The following RAD51 variants were observed in gnomAD, a reference collection of about 807,000 sequenced individuals.
The protein encoded by RAD51 is DNA repair protein RAD51 homolog 1.
Under a neutral mutation model 41.5 loss-of-function variants are expected in RAD51, and 14 were observed. The ratio of observed to expected loss-of-function variants is 0.34; its 90% CI spans 0.22 to 0.53. The LOEUF is 0.53. Ranked by LOEUF, RAD51 falls within the 20% of genes least tolerant of loss-of-function variation. The pLI, the probability that RAD51 is intolerant of heterozygous loss-of-function variation, is 0.95. For synonymous variants in RAD51, 136 were observed against 148.6 expected (o/e 0.92, Z 0.62); for missense variants, 234 against 422.0 (o/e 0.55, Z 3.90).
At chr15:40,719,098 C>G (rs373654495) in intron 6 of RAD51, among the ~76,000 whole-genome samples, 199 bp downstream of exon 6, 27 of 151,132 alleles carry the variant, frequency 1.8e-4, no homozygotes, top group African/African-American at 6.6e-4. Flanking sequence ...GCTCTTGTCA[C>G]CCAGGCTAGA....
intron 2 of RAD51, among the ~76,000 whole-genome samples, chr15:40,700,473 G>T (rs1329697425): frequency 6.6e-6 from 1 of 152,116 alleles, no homozygotes; most frequent in East Asian, 1.9e-4. Flanking sequence ...ATGTGTGCTT[G>T]ATGTGGAAAG....
intron 6 of RAD51, among the ~76,000 whole-genome samples, chr15:40,728,140 G>A (rs773147204): frequency 1.3e-5 from 2 of 152,228 alleles, no homozygotes; most frequent in Admixed American, 6.5e-5. Flanking sequence ...GATTACAGGC[G>A]TGAGCCACCG....
intron 1 of RAD51, among the ~76,000 whole-genome samples, chr15:40,696,882 G>T (rs1007949951): frequency 1.3e-5 from 2 of 151,898 alleles, no homozygotes; most frequent in African/African-American, 2.4e-5. Context: ...ATATGTTTTT[G>T]CCCATTTTGA....
In RAD51 at chr15:40,700,934, C is replaced by T. The variant is rs1020672426; in HGVS notation, c.88-130C>T. On this transcript the variant is annotated intron_variant, in intron 2 of 9. Coordinates refer to ENST00000267868, the MANE Select transcript of RAD51 (RefSeq NM_002875.5). ...CCAACTTCCCATCTCCCCCCGCCCCCCCAAGGATTTCAAGGGACAGTTGTA... is the reference window on the plus strand; with the variant it reads ...CCAACTTCCCATCTCCCCCCGCCCCTCCAAGGATTTCAAGGGACAGTTGTA... The T allele has an allele frequency of 4.7e-6, 4 of 850,718 alleles. No homozygotes were observed. In the African/African-American group the frequency reaches 5.3e-5, roughly 11 times the overall value. 52.7% of individuals were successfully genotyped at this position (850,718 alleles called of 1,614,324 possible).
intron 7 of RAD51, among the ~76,000 whole-genome samples, chr15:40,729,262 A>C (rs1388380594): frequency 1.3e-5 from 2 of 149,472 alleles, no homozygotes; most frequent in Admixed American, 6.8e-5. Flanking sequence ...AGTCCCAGCT[A>C]CTCCGGAGGC....
intron 2 of RAD51, 75 bp downstream of exon 2, chr15:40,698,920 A>G: frequency 2.1e-6 from 3 of 1,430,360 alleles, no homozygotes; most frequent in Non-Finnish European, 3.0e-6. Flanking sequence ...CAACCTTTAC[A>G]TAAAATATAG....
intron 4 of RAD51, 149 bp downstream of exon 4, chr15:40,706,443 T>C (rs1895344101): frequency 2.7e-6 from 2 of 738,688 alleles, no homozygotes; most frequent in Non-Finnish European, 4.7e-6. Context: ...ATGCCTGTAA[T>C]CTCAGCACTT....
intron 1 of RAD51, among the ~76,000 whole-genome samples, chr15:40,697,640 C>T (rs371361517): frequency 3.6e-5 from 5 of 139,418 alleles, no homozygotes; most frequent in African/African-American, 1.4e-4. Context: ...TGCAGTGGCG[C>T]GATCTTGGCT....
At chr15:40,716,657 C>CTTTTTTTT (rs34860677) in intron 5 of RAD51, among the ~76,000 whole-genome samples, 17 of 88,168 alleles carry the variant, frequency 1.9e-4, no homozygotes, top group African/African-American at 7.3e-4. Flanking sequence ...CTCTCTACTT[C>CTTTTTTTT]TTTTTTTTTT....
intron 6 of RAD51, among the ~76,000 whole-genome samples, chr15:40,719,322 G>C (rs568105509): frequency 1.3e-5 from 2 of 151,732 alleles, no homozygotes; most frequent in African/African-American, 2.4e-5. Context: ...ACTTCCCAAA[G>C]TGCTGGGATT....
chr15:40,729,440 T>A (rs2141881941), intron 7 of RAD51, 65 bp from the exon 8 acceptor site: 1 of 1,531,716 alleles, frequency 6.5e-7, no homozygotes. Context: ...TTTAGGGTGG[T>A]AAGGAAGGGA....
At chr15:40,698,944 G>T in intron 2 of RAD51, 99 bp downstream of exon 2, 2 of 1,212,782 alleles carry the variant, frequency 1.6e-6, no homozygotes, top group Non-Finnish European at 2.4e-6. Flanking sequence ...TACTACCAAG[G>T]TCAAGACCCA....
At chr15:40,723,731 G>A (rs1896397870) in intron 6 of RAD51, among the ~76,000 whole-genome samples, 1 of 152,158 alleles carries the variant, frequency 6.6e-6, no homozygotes, top group Admixed American at 6.6e-5. Context: ...AAATTGGATT[G>A]TGTTCATGGT....
chr15:40,730,515 T>TTTTTCTTTTTTTTTTTTTC (rs59588002), intron 9 of RAD51, among the ~76,000 whole-genome samples: 36,405 of 116,896 alleles, frequency 0.31, 8,150 homozygotes, highest in East Asian at 0.57. Context: ...GAAAAAATTT[T>TTTTTCTTTTTTTTTTTTTC]TTTTCTTTTT....
intron 3 of RAD51, among the ~76,000 whole-genome samples, chr15:40,704,177 G>A (rs539928654): frequency 2.0e-5 from 3 of 150,816 alleles, no homozygotes; most frequent in African/African-American, 7.3e-5. Flanking sequence ...GGGTTCAAGC[G>A]ATTCTCCTGC....
chr15:40,704,783 C>T (rs1475271864), intron 3 of RAD51, among the ~76,000 whole-genome samples: 1 of 148,452 alleles, frequency 6.7e-6, no homozygotes, highest in Non-Finnish European at 1.5e-5. Flanking sequence ...GATTCTTCCA[C>T]CTCAGCCTCC....
At chr15:40,707,293 G>C (rs567847807) in intron 4 of RAD51, among the ~76,000 whole-genome samples, 86 of 141,752 alleles carry the variant, frequency 6.1e-4, no homozygotes, top group African/African-American at 2.3e-3. Context: ...CACCTTGCCT[G>C]GCCCAATGTC....
chr15:40,715,740 C>A (rs1408162557), intron 5 of RAD51, among the ~76,000 whole-genome samples: 1 of 152,216 alleles, frequency 6.6e-6, no homozygotes, highest in Admixed American at 6.5e-5. Flanking sequence ...TATTCCCAAT[C>A]ATCTGTGGCC....
rs1447262744 is a variant in RAD51, at chr15:40,722,842, T to TTA, written c.530+3943_530+3944insTA. On this transcript the variant is annotated intron_variant, in intron 6 of 9. Coordinates refer to ENST00000267868, the MANE Select transcript of RAD51 (RefSeq NM_002875.5). ...CACAGTCCATGAAAGAATAAATTGA[T>TTA]AATAGAGTTAGTTTTCACTTCATCA... is the stretch of plus-strand genomic sequence containing the variant. Among the ~76,000 whole-genome samples, 23 of 152,262 alleles carry TTA rather than the reference T, an allele frequency of 1.5e-4. No individual in the cohort carries two copies. The East Asian group carries it at 3.9e-3, about 26-fold the overall frequency.
Sources: gnomAD v4.1 joint callset for allele counts (sites outside exome capture counted in the v4.1 genomes callset) on GRCh38, gnomAD v4.1.1 for gene constraint, MANE v1.5 for transcripts, NCBI Gene and HGNC (gene_info 2026-07-23, HGNC 2026-07-21) for gene names.